The following DLGAP2 variants were observed in gnomAD, a reference collection of about 807,000 sequenced individuals.
The protein encoded by DLGAP2 is DLG associated protein 2, also known as disks large-associated protein 2.
A neutral mutation model predicts 100.3 loss-of-function variants in DLGAP2; 26 were observed. The observed-to-expected ratio is 0.26, with a 90% CI of 0.19 to 0.36. The LOEUF is 0.36. DLGAP2 is among the 10% of genes least tolerant of loss of function. DLGAP2 has a pLI of 1.00. For synonymous variants in DLGAP2, 886 were observed against 630.1 expected, an observed-to-expected ratio of 1.41 and a Z score of -6.08; for missense variants, 1,858 against 1,453.2, an observed-to-expected ratio of 1.28 and a Z score of -4.53.
chr8:1,050,079 C>T (rs762685262), intron 2 of DLGAP2, among the ~76,000 whole-genome samples: 2 of 151,396 alleles, frequency 1.3e-5, no homozygotes, highest in Non-Finnish European at 2.9e-5. Context: ...CACACATGCA[C>T]AGGCAGTCAC....
chr8:1,458,434 T>C (rs190434016), intron 3 of DLGAP2, among the ~76,000 whole-genome samples: 1 of 152,322 alleles, frequency 6.6e-6, no homozygotes, highest in East Asian at 1.9e-4. Context: ...TTGAGTCAGA[T>C]GAGATGACTG....
chr8:1,532,632 G>A (rs1055752804), intron 4 of DLGAP2, among the ~76,000 whole-genome samples: 1 of 152,052 alleles, frequency 6.6e-6, no homozygotes, highest in Non-Finnish European at 1.5e-5. Flanking sequence ...AATCATAACA[G>A]TATATTTTAA....
intron 2 of DLGAP2, among the ~76,000 whole-genome samples, chr8:1,189,886 G>C (rs969297060): frequency 2.0e-5 from 3 of 152,312 alleles, no homozygotes; most frequent in East Asian, 1.9e-4. Flanking sequence ...CAGAGGTGAT[G>C]GGGGAGGGTA....
Position 1,345,577 on chromosome 8 carries a change from T to C in DLGAP2, c.106+86694T>C, listed in dbSNP as rs571910405. ...TATTGTCTTAAGAAAACACATTGTG[T>C]GGATGTAATTCCTTGGTTGTCATAG... On this transcript the variant is annotated intron_variant, in intron 3 of 14. Coordinates refer to ENST00000637795, the MANE Select transcript of DLGAP2 (RefSeq NM_001346810.2). 2.6e-5 allele frequency among the ~76,000 whole-genome samples: 4 copies of C among 152,360 alleles called. No individual in the cohort carries two copies. The South Asian group carries it at 8.3e-4, about 32-fold the overall frequency.
In DLGAP2 at chr8:1,284,335, A is replaced by G. The variant is rs147878464; in HGVS notation, c.106+25452A>G. Among the ~76,000 whole-genome samples, 1,132 of 152,304 alleles carry G rather than the reference A, an allele frequency of 7.4e-3. 56 individuals are homozygous for G. Among genetic ancestry groups the G allele is most frequent in the Admixed American group, 0.066 (1,006 of 15,288 alleles). ...GGATTCTGCTGTGCAGGTATCTGGT[A>G]TCCGGGGCTGTGGAATTGCTTCAGA... On this transcript the variant is annotated intron_variant, in intron 3 of 14. Transcript: ENST00000637795.
At position 747,336 on chromosome 8, in the gene DLGAP2, G is replaced by C. The variant is rs955234368; in HGVS notation, c.18+9511G>C. On this transcript the variant is annotated intron_variant, in intron 1 of 14. Coordinates refer to ENST00000637795, the MANE Select transcript of DLGAP2 (RefSeq NM_001346810.2). ...AACCTCCTCTGAAAACCATCGAGCC[G>C]TAGTGACAAATGCACCATTTACCAT... is the stretch of plus-strand genomic sequence containing the variant. 3.9e-5 allele frequency among the ~76,000 whole-genome samples: 6 copies of C among 152,062 alleles called. 1 individual carries two copies. Among genetic ancestry groups the C allele is most frequent in the Admixed American group, 3.9e-4 (6 of 15,276 alleles).
intron 11 of DLGAP2, among the ~76,000 whole-genome samples, chr8:1,677,380 A>C (rs1348308715): frequency 1.3e-5 from 2 of 152,182 alleles, no homozygotes; most frequent in African/African-American, 4.8e-5. Flanking sequence ...TCTGTGGCTC[A>C]GTGTCCCTCC....
At chr8:1,363,231 G>A (rs112904146) in intron 3 of DLGAP2, among the ~76,000 whole-genome samples, 102 of 152,338 alleles carry the variant, frequency 6.7e-4, no homozygotes, top group African/African-American at 2.2e-3. Context: ...ACGAAGGTAC[G>A]GGCAGCACAG....
chr8:1,345,152 C>A (rs1356340239), intron 3 of DLGAP2, among the ~76,000 whole-genome samples: 1 of 89,488 alleles, frequency 1.1e-5, no homozygotes, highest in Admixed American at 1.2e-4. Context: ...GTGTTGAGAC[C>A]AAGGAAATTC....
At chr8:849,441 T>C (rs1440253681) in intron 1 of DLGAP2, among the ~76,000 whole-genome samples, 1 of 152,224 alleles carries the variant, frequency 6.6e-6, no homozygotes, top group African/African-American at 2.4e-5. Flanking sequence ...ATTGGGTTCA[T>C]ATTTCACTTG....
intron 2 of DLGAP2, among the ~76,000 whole-genome samples, chr8:1,225,163 C>G (rs557611342): frequency 5.3e-5 from 8 of 152,148 alleles, no homozygotes; most frequent in African/African-American, 1.9e-4. Context: ...GCATGATAGC[C>G]GAAGGGGAAC....
chr8:962,363 A>G (rs1442286515), intron 2 of DLGAP2, among the ~76,000 whole-genome samples: 4 of 152,186 alleles, frequency 2.6e-5, no homozygotes, highest in Non-Finnish European at 4.4e-5. Context: ...TCCGGTCTCC[A>G]TAATTAACTT....
Position 1,549,127 on chromosome 8 carries a change from G to T in DLGAP2, c.674G>T (p.Ser225Ile). 1 of 1,589,528 alleles carries T rather than the reference G, an allele frequency of 6.3e-7. No homozygotes were observed. Residue 225 changes from serine (S) to isoleucine (I), a missense_variant, in exon 5 of 15, where the codon AGC becomes ATC. By Grantham distance (142) the Ser-to-Ile change is moderately radical (BLOSUM62 -2). Coordinates refer to ENST00000637795, the MANE Select transcript of DLGAP2 (RefSeq NM_001346810.2). ...GCGGCCGCCGAGCAGCGCAGCGAGAGCCCCGGGCGGATCCGCCACCTGGTA... is the reference window on the plus strand; with the variant it reads ...GCGGCCGCCGAGCAGCGCAGCGAGATCCCCGGGCGGATCCGCCACCTGGTA... ...TSAAAEQRSE[S>I]PGRIRHLVHS...
At chr8:1,152,534 T>C (rs925811319) in intron 2 of DLGAP2, among the ~76,000 whole-genome samples, 2 of 152,196 alleles carry the variant, frequency 1.3e-5, no homozygotes, top group Non-Finnish European at 2.9e-5. Context: ...AAGGCCCTTT[T>C]TTGTATGACT....
At chr8:1,634,483 G>A (rs965564839) in intron 8 of DLGAP2, among the ~76,000 whole-genome samples, 1 of 152,266 alleles carries the variant, frequency 6.6e-6, no homozygotes, top group East Asian at 1.9e-4. Context: ...GTAGCCTCCT[G>A]TTTTCCTCTG....
At chr8:1,343,700 TG>T (rs538432805) in intron 3 of DLGAP2, among the ~76,000 whole-genome samples, 3 of 123,078 alleles carry the variant, frequency 2.4e-5, no homozygotes, top group African/African-American at 8.1e-5. Flanking sequence ...AGTTTGCATC[TG>T]GGGGGTCGTG....
At chr8:1,256,477 G>A (rs1306018896) in intron 2 of DLGAP2, among the ~76,000 whole-genome samples, 2,628 of 130,018 alleles carry the variant, frequency 0.02, 273 homozygotes, top group African/African-American at 0.085. Flanking sequence ...TCTCCTGCCT[G>A]GGTGCTGTGT....
chr8:1,366,617 G>C (rs965418119), intron 3 of DLGAP2, among the ~76,000 whole-genome samples: 1 of 152,180 alleles, frequency 6.6e-6, no homozygotes, highest in African/African-American at 2.4e-5. Context: ...CACAGGAACA[G>C]AGCAGGGGAC....
intron 2 of DLGAP2, among the ~76,000 whole-genome samples, chr8:1,255,305 CTCA>C (rs57120450): frequency 9.7e-6 from 1 of 103,086 alleles, no homozygotes; most frequent in Non-Finnish European, 1.8e-5. Flanking sequence ...TGTGTGCCCT[CTCA>C]TCCTGCCCGG....
Sources: gnomAD v4.1 joint callset for allele counts (sites outside exome capture counted in the v4.1 genomes callset) on GRCh38, gnomAD v4.1.1 for gene constraint, MANE v1.5 for transcripts, NCBI Gene and HGNC (gene_info 2026-07-23, HGNC 2026-07-21) for gene names.